PRKCA: variants seen among roughly 807,000 people sequenced by gnomAD.
PRKCA encodes the protein protein kinase C alpha type.
In PRKCA, 27 loss-of-function variants were observed where a neutral mutation model predicts 87.0. The observed-to-expected ratio is 0.31, with a 90% CI of 0.23 to 0.43. The LOEUF is 0.43. Among genes scored for constraint, PRKCA ranks in the 20% least tolerant of loss-of-function variants. PRKCA has a pLI of 1.00. For synonymous variants in PRKCA, 329 were observed against 311.1 expected, an observed-to-expected ratio of 1.06 and a Z score of -0.61; for missense variants, 518 against 852.3, an observed-to-expected ratio of 0.61 and a Z score of 4.88.
chr17:66,666,172 A>G (rs1598857214), intron 5 of PRKCA, among the ~76,000 whole-genome samples: 2 of 152,258 alleles, frequency 1.3e-5, no homozygotes, highest in African/African-American at 2.4e-5. Context: ...GACTACATAG[A>G]GCAGAAATCC....
chr17:66,371,142 T>TGGCCAAAGA (rs768172577), intron 2 of PRKCA, among the ~76,000 whole-genome samples: 35 of 152,260 alleles, frequency 2.3e-4, no homozygotes, highest in Non-Finnish European at 4.0e-4. Flanking sequence ...CCCCCATCTT[T>TGGCCAAAGA]GGCCAAAATA....
chr17:66,338,498 A>G (rs1346571408), intron 2 of PRKCA, among the ~76,000 whole-genome samples: 1 of 151,936 alleles, frequency 6.6e-6, no homozygotes, highest in Admixed American at 6.6e-5. Context: ...CATTGTATTA[A>G]TTTTTCTGAC....
intron 12 of PRKCA, among the ~76,000 whole-genome samples, chr17:66,742,274 T>C (rs1457331276): frequency 6.6e-6 from 1 of 152,198 alleles, no homozygotes; most frequent in African/African-American, 2.4e-5. Flanking sequence ...AACCTGGTCA[T>C]GTGTCAGACC....
At chr17:66,533,337 G>A (rs1287390265) in intron 3 of PRKCA, among the ~76,000 whole-genome samples, 3 of 152,112 alleles carry the variant, frequency 2.0e-5, no homozygotes, top group African/African-American at 4.8e-5. Context: ...TGATGAGATA[G>A]GCCTTTCTCC....
At chr17:66,596,777 G>A (rs1389927185) in intron 3 of PRKCA, among the ~76,000 whole-genome samples, 1 of 75,472 alleles carries the variant, frequency 1.3e-5, no homozygotes, top group Non-Finnish European at 2.5e-5. Flanking sequence ...TCCCCTTCCT[G>A]TGTCCATGTG....
chr17:66,399,094 T>TCTTTC (rs1910854476), intron 2 of PRKCA, among the ~76,000 whole-genome samples: 1 of 122,384 alleles, frequency 8.2e-6, no homozygotes, highest in Non-Finnish European at 1.6e-5. Flanking sequence ...TCTTTTCTTT[T>TCTTTC]CTTTTCTTTT....
chr17:66,357,345 G>A (rs1908123565), intron 2 of PRKCA, among the ~76,000 whole-genome samples: 2 of 152,120 alleles, frequency 1.3e-5, no homozygotes, highest in African/African-American at 4.8e-5. Flanking sequence ...CTTTTTAATG[G>A]CAATGAGCTG....
At chr17:66,589,660 A>AAGG (rs1969735229) in intron 3 of PRKCA, among the ~76,000 whole-genome samples, 5 of 152,190 alleles carry the variant, frequency 3.3e-5, no homozygotes, top group Admixed American at 2.6e-4. Context: ...GGTGTTTAGC[A>AAGG]TAATGGGGAG....
chr17:66,403,186 G>T (rs1469982931), intron 2 of PRKCA, among the ~76,000 whole-genome samples: 1 of 152,170 alleles, frequency 6.6e-6, no homozygotes, highest in Non-Finnish European at 1.5e-5. Flanking sequence ...GAAATCTTAT[G>T]CTGGGGACAT....
intron 2 of PRKCA, among the ~76,000 whole-genome samples, chr17:66,494,755 G>A (rs1916393503): frequency 2.0e-5 from 3 of 152,148 alleles, no homozygotes; most frequent in Admixed American, 1.3e-4. Context: ...AGCTTTCAAG[G>A]AGAGACTAGG....
At chr17:66,479,144 A>G (rs1915663986) in intron 2 of PRKCA, among the ~76,000 whole-genome samples, 1 of 152,204 alleles carries the variant, frequency 6.6e-6, no homozygotes, top group Admixed American at 6.5e-5. Flanking sequence ...CTAATATCCA[A>G]CATCTATAAG....
intron 2 of PRKCA, among the ~76,000 whole-genome samples, chr17:66,422,645 AG>A (rs1445692169): frequency 6.6e-6 from 1 of 152,220 alleles, no homozygotes; most frequent in Admixed American, 6.5e-5. Flanking sequence ...AACTTCTTTT[AG>A]CCAGTCCTGT....
intron 2 of PRKCA, among the ~76,000 whole-genome samples, chr17:66,480,920 C>T (rs917367433): frequency 2.6e-5 from 4 of 152,158 alleles, no homozygotes; most frequent in African/African-American, 4.8e-5. Flanking sequence ...TTCCTTCCCC[C>T]GGTGCTTGAT....
chr17:66,683,003 G>A (rs150572797), intron 5 of PRKCA, among the ~76,000 whole-genome samples: 16 of 152,298 alleles, frequency 1.1e-4, no homozygotes, highest in Non-Finnish European at 2.2e-4. Flanking sequence ...ATTAAATTAC[G>A]TGATGAGTTA....
intron 2 of PRKCA, among the ~76,000 whole-genome samples, chr17:66,376,009 GT>G (rs1403254289): frequency 1.2e-4 from 19 of 152,330 alleles, no homozygotes; most frequent in Admixed American, 3.9e-4. Context: ...AGACTTCATT[GT>G]TTATTCAGTA....
intron 3 of PRKCA, among the ~76,000 whole-genome samples, chr17:66,606,687 T>C (rs1323315195): frequency 1.3e-5 from 2 of 152,240 alleles, no homozygotes; most frequent in Non-Finnish European, 1.5e-5. Flanking sequence ...GAGAGCAATA[T>C]TTTTCTATGT....
chr17:66,440,259 G>GC (rs1345575926), intron 2 of PRKCA, among the ~76,000 whole-genome samples: 4 of 152,176 alleles, frequency 2.6e-5, no homozygotes, highest in Non-Finnish European at 5.9e-5. Context: ...GGTTTTAAGA[G>GC]CCCCCCACCA....
chr17:66,715,925 A>G (rs1261680424), intron 8 of PRKCA, among the ~76,000 whole-genome samples: 1 of 152,210 alleles, frequency 6.6e-6, no homozygotes, highest in Admixed American at 6.5e-5. Context: ...TGCAAATGAA[A>G]GATTCCATGA....
intron 14 of PRKCA, chr17:66,777,369 A>G: frequency 2.0e-6 from 2 of 985,006 alleles, no homozygotes; most frequent in South Asian, 9.4e-5. Flanking sequence ...TTATTTCTCA[A>G]TGGTGTTAAG....
Sources: gnomAD v4.1 joint callset for allele counts (sites outside exome capture counted in the v4.1 genomes callset) on GRCh38, gnomAD v4.1.1 for gene constraint, MANE v1.5 for transcripts, NCBI Gene and HGNC (gene_info 2026-07-23, HGNC 2026-07-21) for gene names.